Variants in TCERG1L observed in about 807,000 individuals in gnomAD.
The protein encoded by TCERG1L is transcription elongation regulator 1-like protein.
In TCERG1L, 37 loss-of-function variants were observed where a neutral mutation model predicts 56.3. That is an observed-to-expected ratio of 0.66 (90% CI 0.51 to 0.87). The LOEUF is 0.87. Ranked by LOEUF, TCERG1L falls within the 40% of genes least tolerant of loss-of-function variation. TCERG1L has a pLI of 0.00. For synonymous variants in TCERG1L, 324 were observed against 326.3 expected (o/e 0.99, Z 0.08); for missense variants, 799 against 774.2 (o/e 1.03, Z -0.38).
intron 3 of TCERG1L, among the ~76,000 whole-genome samples, chr10:131,280,186 G>C (rs1229194743): frequency 6.6e-6 from 1 of 151,832 alleles, no homozygotes; most frequent in Non-Finnish European, 1.5e-5. Context: ...TCCAGGTCAT[G>C]GTAGATAAGA....
intron 3 of TCERG1L, among the ~76,000 whole-genome samples, chr10:131,276,136 T>C (rs1279229226): frequency 6.6e-6 from 1 of 152,310 alleles, no homozygotes; most frequent in Non-Finnish European, 1.5e-5. Context: ...GTGGCTTTCA[T>C]GAATTAAAAG....
chr10:131,151,920 C>T (rs777669640), intron 6 of TCERG1L, among the ~76,000 whole-genome samples: 3 of 152,236 alleles, frequency 2.0e-5, no homozygotes, highest in African/African-American at 4.8e-5. Context: ...GGGGCTTGCA[C>T]CTTCAGAAGC....
chr10:131,282,263 C>T (rs1226848897), intron 3 of TCERG1L, among the ~76,000 whole-genome samples: 4 of 149,418 alleles, frequency 2.7e-5, no homozygotes, highest in East Asian at 2.0e-4. Context: ...CGCTTTCAAA[C>T]GTCTCAGAAT....
intron 7 of TCERG1L, among the ~76,000 whole-genome samples, chr10:131,144,814 T>C (rs55735337): frequency 0.13 from 19,736 of 152,164 alleles, 1,746 homozygotes; most frequent in Non-Finnish European, 0.2. Context: ...GAGTATAACA[T>C]GAGATTCTTG....
intron 4 of TCERG1L, among the ~76,000 whole-genome samples, chr10:131,234,689 GT>G (rs72011222): frequency 0.06 from 9,069 of 151,914 alleles, 349 homozygotes; most frequent in Middle Eastern, 0.15. Context: ...TGTTGTCGTT[GT>G]TTGTTTGTTT....
intron 2 of TCERG1L, 111 bp downstream of exon 2, chr10:131,309,042 T>A (rs1846847465): frequency 1.6e-6 from 2 of 1,269,100 alleles, no homozygotes; most frequent in Non-Finnish European, 1.1e-6. Context: ...TATACCTAGA[T>A]GGCCAATTTA....
intron 9 of TCERG1L, among the ~76,000 whole-genome samples, chr10:131,107,429 A>G (rs923271280): frequency 6.6e-6 from 1 of 152,190 alleles, no homozygotes; most frequent in Admixed American, 6.5e-5. Context: ...AATGATTACA[A>G]CTCATAATGA....
chr10:131,203,174 G>C (rs1426271940), intron 4 of TCERG1L, among the ~76,000 whole-genome samples: 2 of 152,154 alleles, frequency 1.3e-5, no homozygotes, highest in Non-Finnish European at 2.9e-5. Flanking sequence ...AGTGTTCATG[G>C]ATATGCGTAT....
At chr10:131,102,425 TGA>T in intron 10 of TCERG1L, among the ~76,000 whole-genome samples, 1 of 152,314 alleles carries the variant, frequency 6.6e-6, no homozygotes, top group African/African-American at 2.4e-5. Flanking sequence ...TCCATGTGAC[TGA>T]GACTCTGTGG....
chr10:131,112,795 T>C lies in TCERG1L; in HGVS notation c.1395+4004A>G, dbSNP rs923347309. 8.4e-5 allele frequency among the ~76,000 whole-genome samples: 12 copies of C among 142,488 alleles called. 2 individuals carry two copies. The highest frequency in any genetic ancestry group is 3.0e-4 in the African/African-American group (12 of 40,442). The allele number at this position is 142,488 out of a possible 152,430, so 93.5% of individuals were successfully genotyped here. On this transcript the variant is annotated intron_variant, in intron 9 of 11. Coordinates refer to ENST00000368642, the MANE Select transcript of TCERG1L (RefSeq NM_174937.4). ...CACACGGAAGGAGACGAGCTAGTAA[T>C]GGAGGGTGGGCCGTGGGGTGAGGAA...
intron 3 of TCERG1L, among the ~76,000 whole-genome samples, chr10:131,299,355 T>C (rs1846733624): frequency 6.6e-6 from 1 of 152,174 alleles, no homozygotes; most frequent in Non-Finnish European, 1.5e-5. Context: ...CCAACTTTAT[T>C]TTGATCCTTT....
chr10:131,306,004 G>A (rs1243241638), intron 3 of TCERG1L, among the ~76,000 whole-genome samples: 1 of 151,978 alleles, frequency 6.6e-6, no homozygotes, highest in East Asian at 1.9e-4. Context: ...AGTAATTACA[G>A]CATATATGAA....
At chr10:131,170,769 C>T (rs1047029365) in intron 4 of TCERG1L, among the ~76,000 whole-genome samples, 2 of 152,126 alleles carry the variant, frequency 1.3e-5, no homozygotes, top group African/African-American at 4.8e-5. Flanking sequence ...CTCAAAGGGC[C>T]GCAGGGACTG....
intron 4 of TCERG1L, among the ~76,000 whole-genome samples, chr10:131,258,624 T>C (rs144643152): frequency 6.6e-6 from 1 of 152,354 alleles, no homozygotes; most frequent in African/African-American, 2.4e-5. Flanking sequence ...ATTCCAGCAA[T>C]GGGAAGGCAA....
intron 3 of TCERG1L, among the ~76,000 whole-genome samples, chr10:131,274,511 G>C (rs144334302): frequency 6.6e-6 from 1 of 152,092 alleles, no homozygotes; most frequent in South Asian, 2.1e-4. Context: ...TTTCATCTGC[G>C]TGCCCCTCCT....
chr10:131,128,285 C>T (rs1349448312), intron 8 of TCERG1L, among the ~76,000 whole-genome samples: 1 of 152,112 alleles, frequency 6.6e-6, no homozygotes, highest in Non-Finnish European at 1.5e-5. Flanking sequence ...CAACAGCGTG[C>T]AAAGGAGGCG....
At chr10:131,269,871 C>A (rs113295899) in intron 3 of TCERG1L, among the ~76,000 whole-genome samples, 59 of 152,286 alleles carry the variant, frequency 3.9e-4, no homozygotes, top group African/African-American at 1.4e-3. Context: ...AAGAAAGGGA[C>A]GCACAATAAA....
At chr10:131,294,976 G>A (rs1334411438) in intron 3 of TCERG1L, among the ~76,000 whole-genome samples, 1 of 152,020 alleles carries the variant, frequency 6.6e-6, no homozygotes, top group Non-Finnish European at 1.5e-5. Flanking sequence ...CTGACCTGTT[G>A]TTGTCAAAAC....
Position 131,154,769 on chromosome 10 carries a change from C to T in TCERG1L, c.1035-8109G>A, listed in dbSNP as rs117238466. 3.9e-5 allele frequency among the ~76,000 whole-genome samples: 6 copies of T among 152,366 alleles called. No individual in the cohort carries two copies. The East Asian group carries it at 1.2e-3, about 29-fold the overall frequency. On this transcript the variant is annotated intron_variant, in intron 6 of 11. Coordinates refer to ENST00000368642, the MANE Select transcript of TCERG1L (RefSeq NM_174937.4). ...CCGTGTCTGGCCATGGTTGCCACCA[C>T]CACCAACCCTCACTTTGAGAAGAAG...
Sources: allele counts gnomAD v4.1 joint callset (sites outside exome capture counted in the v4.1 genomes callset), GRCh38; gene constraint gnomAD v4.1.1; transcripts MANE v1.5; gene names NCBI Gene and HGNC (gene_info 2026-07-23, HGNC 2026-07-21).